The following FBN1 variants were observed in gnomAD, a reference collection of about 807,000 sequenced individuals.
FBN1 encodes fibrillin 1, also known as fibrillin-1.
Under a neutral mutation model 365.1 loss-of-function variants are expected in FBN1, and 29 were observed. The ratio of observed to expected loss-of-function variants is 0.08; its 90% CI spans 0.06 to 0.11. FBN1 has a LOEUF of 0.11. Among genes scored for constraint, FBN1 ranks in the 10% least tolerant of loss-of-function variants. FBN1 has a pLI of 1.00. For missense variants in FBN1, 2,476 were observed against 3,703.2 expected (o/e 0.67, Z 8.60); for synonymous variants, 1,210 against 1,270.5 (o/e 0.95, Z 1.01).
intron 6 of FBN1, among the ~76,000 whole-genome samples, chr15:48,545,326 A>T (rs1262937347): frequency 6.6e-6 from 1 of 152,252 alleles, no homozygotes; most frequent in Non-Finnish European, 1.5e-5. Flanking sequence ...AATTAAGTTC[A>T]TGAAGAATCC....
intron 6 of FBN1, among the ~76,000 whole-genome samples, chr15:48,545,444 A>G (rs539592700): frequency 3.3e-5 from 5 of 152,226 alleles, no homozygotes; most frequent in Non-Finnish European, 5.9e-5. Flanking sequence ...ATATGTTGGT[A>G]AAGAGGCAAT....
chr15:48,537,737 A>G lies in FBN1; in HGVS notation c.610T>C (p.Cys204Arg), dbSNP rs2044026132. 6.2e-7 allele frequency: 1 copy of G among 1,614,104 alleles called. No homozygotes were observed. The highest frequency in any genetic ancestry group is 1.7e-5 in the Admixed American group (1 of 60,008). ...GTGGCACAGCAGAGCGTTTTTGTGC[A>G]GACAATCCCGCTGAGTTGTCCCTGG... ...MCQGQLSGIVCTKTLCCATVG... is the reference protein window; with the variant it reads ...MCQGQLSGIVRTKTLCCATVG... Residue 204 changes from cysteine to arginine, a missense_variant, in exon 7 of 66, where the codon TGC (cysteine) becomes CGC (arginine). Cys to Arg is a radical substitution (Grantham distance 180, BLOSUM62 -3). Around this residue, in one of 5 missense-constraint regions of FBN1, gnomAD observed 421 missense variants for 520.1 expected, o/e 0.81. Coordinates refer to ENST00000316623, the MANE Select transcript of FBN1 (RefSeq NM_000138.5).
At chr15:48,501,923 A>G (rs538860791) in intron 17 of FBN1, among the ~76,000 whole-genome samples, 23 of 152,370 alleles carry the variant, frequency 1.5e-4, no homozygotes, top group African/African-American at 5.3e-4. Context: ...ATAAACACAT[A>G]TTGAACTGAT....
In FBN1 at chr15:48,592,608, G is replaced by A. The variant is rs117817354; in HGVS notation, c.538+3675C>T. On this transcript the variant is annotated intron_variant, in intron 6 of 65. Transcript: ENST00000316623. ...AGGCCCAAGCAAAGAGAAGGCAAAG[G>A]GTCGGAGTAGGAGGCAACAAGAAAA... 2.0e-4 allele frequency among the ~76,000 whole-genome samples: 30 copies of A among 152,094 alleles called. 1 individual carries two copies. The East Asian group carries it at 5.8e-3, about 29-fold the overall frequency.
intron 13 of FBN1, among the ~76,000 whole-genome samples, chr15:48,512,035 C>T (rs1339824119): frequency 6.6e-6 from 1 of 152,138 alleles, no homozygotes; most frequent in Non-Finnish European, 1.5e-5. Context: ...TTCAACCTAT[C>T]CATATTTATA....
intron 64 of FBN1, among the ~76,000 whole-genome samples, chr15:48,414,624 C>T (rs1328086633): frequency 6.6e-6 from 1 of 152,000 alleles, no homozygotes; most frequent in African/African-American, 2.4e-5. Flanking sequence ...CGGCCGGGTA[C>T]AGTGGCTCTC....
chr15:48,478,544 G>C (rs1483837358), intron 32 of FBN1, among the ~76,000 whole-genome samples: 2 of 151,180 alleles, frequency 1.3e-5, no homozygotes, highest in Non-Finnish European at 2.9e-5. Flanking sequence ...GCTTGTGAAA[G>C]CCAGGACCAC....
intron 13 of FBN1, among the ~76,000 whole-genome samples, chr15:48,512,910 A>G (rs2043772565): frequency 1.3e-5 from 2 of 152,198 alleles, no homozygotes; most frequent in South Asian, 4.1e-4. Flanking sequence ...AGTACATAAG[A>G]GTCATTTAAT....
chr15:48,592,647 C>T lies in FBN1; in HGVS notation c.538+3636G>A, dbSNP rs190220118. On this transcript the variant is annotated intron_variant, in intron 6 of 65. Transcript: ENST00000316623. The stretch of plus-strand genomic sequence containing the variant: ...GCAACAAGAAAACCACAAATGTGAA[C>T]TTACCAAAAAAAAGTGACAGGAAGA... 4.8e-3 allele frequency among the ~76,000 whole-genome samples: 731 copies of T among 151,854 alleles called. 5 individuals carry two copies. The highest frequency in any genetic ancestry group is 0.025 in the South Asian group (122 of 4,808).
chr15:48,562,380 T>C (rs1005010998), intron 6 of FBN1, among the ~76,000 whole-genome samples: 1 of 152,136 alleles, frequency 6.6e-6, no homozygotes, highest in Non-Finnish European at 1.5e-5. Context: ...CAGTTTTTCT[T>C]TGCTTTAATA....
At chr15:48,490,159 A>G (rs1204754130) in intron 24 of FBN1, 81 bp from the exon 25 acceptor site, 1 of 1,132,570 alleles carries the variant, frequency 8.8e-7, no homozygotes, top group Non-Finnish European at 1.3e-6. Context: ...GTTAGGTAAA[A>G]TACTGCACAC....
chr15:48,598,444 T>C (rs1415987716), intron 5 of FBN1, among the ~76,000 whole-genome samples: 4 of 152,352 alleles, frequency 2.6e-5, no homozygotes, highest in Middle Eastern at 3.4e-3. Flanking sequence ...GTCTCACTCT[T>C]CTTTCCTAGC....
chr15:48,599,868 G>A (rs1597625503), intron 5 of FBN1, among the ~76,000 whole-genome samples: 1 of 152,200 alleles, frequency 6.6e-6, no homozygotes, highest in East Asian at 1.9e-4. Context: ...CTTTGGTGGT[G>A]ACTAGAAATC....
At chr15:48,462,220 A>G (rs1397016548) in intron 42 of FBN1, among the ~76,000 whole-genome samples, 1 of 152,210 alleles carries the variant, frequency 6.6e-6, no homozygotes, top group African/African-American at 2.4e-5. Context: ...TCCTTGCATG[A>G]TAATTTCAAC....
intron 50 of FBN1, among the ~76,000 whole-genome samples, chr15:48,441,413 C>T (rs531569854): frequency 6.6e-6 from 1 of 152,130 alleles, no homozygotes; most frequent in Non-Finnish European, 1.5e-5. Context: ...CAACTTCCCC[C>T]AGGCTTTGCT....
chr15:48,587,768 A>T (rs892551207), intron 6 of FBN1, among the ~76,000 whole-genome samples: 3 of 152,174 alleles, frequency 2.0e-5, no homozygotes, highest in Admixed American at 6.5e-5. Flanking sequence ...TTCTATCATC[A>T]TGCCTAGCTT....
chr15:48,556,378 T>C (rs1347241701), intron 6 of FBN1, among the ~76,000 whole-genome samples: 2 of 152,176 alleles, frequency 1.3e-5, no homozygotes, highest in Non-Finnish European at 2.9e-5. Context: ...CAGCCAAATA[T>C]GAGCTCGAAA....
At chr15:48,612,517 T>C (rs1185822212) in intron 3 of FBN1, among the ~76,000 whole-genome samples, 1 of 152,210 alleles carries the variant, frequency 6.6e-6, no homozygotes, top group African/African-American at 2.4e-5. Context: ...CAGAAATCAA[T>C]AGAGGAACCT....
At chr15:48,427,456 G>T in intron 58 of FBN1, 111 bp downstream of exon 58, 1 of 1,136,500 alleles carries the variant, frequency 8.8e-7, no homozygotes, top group Non-Finnish European at 1.3e-6. Flanking sequence ...GGCCTCAGCT[G>T]TGCAATTCAA....
Sources: allele counts gnomAD v4.1 joint callset (sites outside exome capture counted in the v4.1 genomes callset), GRCh38; gene constraint gnomAD v4.1.1; regional missense constraint gnomAD v4.1.1; transcripts MANE v1.5; gene names NCBI Gene and HGNC (gene_info 2026-07-23, HGNC 2026-07-21).